Variants in CAB39 observed in about 807,000 individuals in gnomAD.
CAB39 encodes calcium binding protein 39.
CAB39 carries 8 observed loss-of-function variants against 40.0 expected under a neutral mutation model. That is an observed-to-expected ratio of 0.20 (90% CI 0.12 to 0.36). The LOEUF is 0.36. Ranked by LOEUF, CAB39 falls within the 10% of genes least tolerant of loss-of-function variation. CAB39 has a pLI of 1.00. For synonymous variants in CAB39, 156 were observed against 141.6 expected (o/e 1.10, Z -0.72); for missense variants, 270 against 401.1 (o/e 0.67, Z 2.79).
At chr2:230,758,939 A>G (rs1384134586) in intron 1 of CAB39, among the ~76,000 whole-genome samples, 1 of 152,026 alleles carries the variant, frequency 6.6e-6, no homozygotes. Flanking sequence ...AGTCACTTCC[A>G]TTGTTTGTCT....
chr2:230,759,966 A>G lies in CAB39; in HGVS notation c.-36A>G. On this transcript the variant is annotated 5_prime_UTR_variant, in exon 2 of 9. Transcript: ENST00000258418. ...CCTTGTGCTGTGTTCTAGGTAGCACAGGCGGAGTGCAGCGGAGGCCCCTGC... is the reference window on the plus strand; with the variant it reads ...CCTTGTGCTGTGTTCTAGGTAGCACGGGCGGAGTGCAGCGGAGGCCCCTGC... 8.7e-7 allele frequency: 1 copy of G among 1,143,850 alleles called. No individual in the cohort carries two copies. The highest frequency in any genetic ancestry group is 1.3e-6 in the Non-Finnish European group (1 of 752,606). 70.9% of individuals were successfully genotyped at this position (1,143,850 alleles called of 1,614,324 possible). A position where few individuals can be genotyped will look rare whatever the true frequency, so the allele number is the denominator to read the frequency against.
chr2:230,817,973 A>G (rs1696433054), intron 8 of CAB39, 76 bp downstream of exon 8: 3 of 1,321,440 alleles, frequency 2.3e-6, no homozygotes, highest in Non-Finnish European at 2.1e-6. Flanking sequence ...AACGGAAATT[A>G]TTAGCCTCAC....
intron 1 of CAB39, among the ~76,000 whole-genome samples, chr2:230,721,045 T>C (rs912664209): frequency 4.6e-5 from 7 of 152,250 alleles, no homozygotes; most frequent in Admixed American, 2.0e-4. Context: ...TTAAAATTTA[T>C]CTTCCCTCCC....
intron 5 of CAB39, among the ~76,000 whole-genome samples, chr2:230,805,863 G>A (rs558305431): frequency 7.9e-5 from 12 of 152,258 alleles, no homozygotes; most frequent in African/African-American, 1.9e-4. Flanking sequence ...GAATTTCCAC[G>A]GGGCTTTCCC....
chr2:230,715,988 C>T (rs1443147625), intron 1 of CAB39, among the ~76,000 whole-genome samples: 1 of 152,248 alleles, frequency 6.6e-6, no homozygotes, highest in Non-Finnish European at 1.5e-5. Flanking sequence ...TGAGCCACCA[C>T]GCTTGCCTGG....
intron 1 of CAB39, among the ~76,000 whole-genome samples, chr2:230,745,623 C>CT (rs893048895): frequency 6.6e-4 from 100 of 151,736 alleles, no homozygotes; most frequent in African/African-American, 2.1e-3. Context: ...TTTCTTTTTT[C>CT]TTTTTTTTGC....
chr2:230,786,664 A>T (rs537447145), intron 2 of CAB39, among the ~76,000 whole-genome samples: 2 of 152,328 alleles, frequency 1.3e-5, no homozygotes, highest in South Asian at 4.1e-4. Context: ...TAAAACTTTG[A>T]TCTAACCAGA....
In CAB39 at chr2:230,820,449, T is replaced by C. The variant is rs1156456745; in HGVS notation, c.*1745T>C. 6.6e-6 allele frequency: 1 copy of C among 152,186 alleles called. No individual in the cohort carries two copies. The highest frequency in any genetic ancestry group is 2.4e-5 in the African/African-American group (1 of 41,442). 9.4% of individuals were successfully genotyped at this position (152,186 alleles called of 1,614,324 possible). On this transcript the variant is annotated 3_prime_UTR_variant, in exon 9 of 9. Transcript: ENST00000258418. ...TCTCAAGACTGTCTTTACCAGAATC[T>C]GTGTGAAATAAGGCAATCTAGTCTC...
chr2:230,744,254 T>C (rs759469146), intron 1 of CAB39, among the ~76,000 whole-genome samples: 1 of 151,808 alleles, frequency 6.6e-6, no homozygotes, highest in Non-Finnish European at 1.5e-5. Flanking sequence ...AGCTACTTAG[T>C]TATGGTCAGT....
intron 1 of CAB39, among the ~76,000 whole-genome samples, chr2:230,758,711 T>C (rs1251958561): frequency 6.6e-6 from 1 of 152,142 alleles, no homozygotes; most frequent in African/African-American, 2.4e-5. Context: ...TTGGGGTGTC[T>C]GAGAGCCACC....
At chr2:230,809,210 G>T (rs1239897553) in intron 5 of CAB39, among the ~76,000 whole-genome samples, 1 of 152,214 alleles carries the variant, frequency 6.6e-6, no homozygotes, top group East Asian at 1.9e-4. Context: ...GACATCTGGA[G>T]TGAGCTGTGG....
intron 1 of CAB39, among the ~76,000 whole-genome samples, chr2:230,727,007 G>A (rs73111539): frequency 3.3e-5 from 5 of 151,364 alleles, no homozygotes; most frequent in Admixed American, 1.3e-4. Context: ...ATTGAGAAGA[G>A]GAAGGAATAA....
At chr2:230,747,707 A>C (rs545193036) in intron 1 of CAB39, among the ~76,000 whole-genome samples, 2 of 152,374 alleles carry the variant, frequency 1.3e-5, no homozygotes, top group Admixed American at 1.3e-4. Context: ...CAGTTCTTCA[A>C]ATAGAAACTT....
intron 7 of CAB39, 113 bp downstream of exon 7, chr2:230,814,227 C>A: frequency 3.5e-6 from 2 of 579,352 alleles, no homozygotes; most frequent in South Asian, 3.2e-5. Context: ...GAAATAAATA[C>A]CTTTGCCGAG....
chr2:230,730,367 G>T (rs945688454), intron 1 of CAB39, among the ~76,000 whole-genome samples: 1 of 151,860 alleles, frequency 6.6e-6, no homozygotes, highest in African/African-American at 2.4e-5. Context: ...AATGAATTGT[G>T]ATAATTAAGC....
chr2:230,740,978 A>G (rs1360033226), intron 1 of CAB39, among the ~76,000 whole-genome samples: 1 of 152,208 alleles, frequency 6.6e-6, no homozygotes, highest in Non-Finnish European at 1.5e-5. Flanking sequence ...TATGAAATAT[A>G]TGGAAAGGTA....
chr2:230,738,629 G>A (rs1490663559), intron 1 of CAB39, among the ~76,000 whole-genome samples: 2 of 152,210 alleles, frequency 1.3e-5, no homozygotes, highest in Non-Finnish European at 2.9e-5. Context: ...AAATACTGCT[G>A]CTGGAAAAAG....
At chr2:230,747,705 C>A (rs1276161004) in intron 1 of CAB39, among the ~76,000 whole-genome samples, 2 of 152,122 alleles carry the variant, frequency 1.3e-5, no homozygotes, top group African/African-American at 2.4e-5. Flanking sequence ...ACCAGTTCTT[C>A]AAATAGAAAC....
At chr2:230,788,441 G>A (rs946730505) in intron 2 of CAB39, among the ~76,000 whole-genome samples, 8 of 151,886 alleles carry the variant, frequency 5.3e-5, no homozygotes, top group Non-Finnish European at 7.4e-5. Flanking sequence ...CCCAGAATAC[G>A]TTGTTATTTT....
Sources: allele counts gnomAD v4.1 joint callset (sites outside exome capture counted in the v4.1 genomes callset), GRCh38; gene constraint gnomAD v4.1.1; transcripts MANE v1.5; gene names NCBI Gene and HGNC (gene_info 2026-07-23, HGNC 2026-07-21).